The following NIPA2 variants were observed in gnomAD, a reference collection of about 807,000 sequenced individuals.
NIPA2 encodes magnesium transporter NIPA2.
Under a neutral mutation model 29.7 loss-of-function variants are expected in NIPA2, and 11 were observed. The ratio of observed to expected loss-of-function variants is 0.37; its 90% CI spans 0.23 to 0.61. The LOEUF is 0.61. NIPA2 is among the 20% of genes least tolerant of loss of function. The pLI, the probability that NIPA2 is intolerant of heterozygous loss-of-function variation, is 0.66. For synonymous variants in NIPA2, 183 were observed against 161.9 expected (o/e 1.13, Z -0.99); for missense variants, 426 against 437.9 (o/e 0.97, Z 0.24).
intron 3 of NIPA2, among the ~76,000 whole-genome samples, chr15:22,850,272 C>T (rs1399406836): frequency 1.3e-5 from 2 of 151,996 alleles, no homozygotes; most frequent in African/African-American, 4.8e-5. Context: ...TCAGGACATG[C>T]ACTTCCTGTG....
chr15:22,844,386 C>T (rs1898002623), intron 2 of NIPA2, among the ~76,000 whole-genome samples: 1 of 151,904 alleles, frequency 6.6e-6, no homozygotes. Flanking sequence ...TAGTGAAACC[C>T]CGTCTCTACT....
At chr15:22,855,479 T>C (rs935177905) in intron 5 of NIPA2, among the ~76,000 whole-genome samples, 4 of 152,008 alleles carry the variant, frequency 2.6e-5, no homozygotes, top group Admixed American at 6.6e-5. Context: ...CAAATACTTA[T>C]TGATCATGTC....
rs145056048 is a variant in NIPA2, at chr15:22,856,028, C to T, written c.197-2512C>T. Among the ~76,000 whole-genome samples, 315 of 152,266 alleles carry T rather than the reference C, an allele frequency of 2.1e-3. 2 individuals carry two copies. The highest frequency in any genetic ancestry group is 2.7e-3 in the Non-Finnish European group (186 of 68,018). On this transcript the variant is annotated intron_variant, in intron 5 of 7. Transcript: ENST00000337451. ...CGAGGTGAAGCAGAGAGAGGCATTG[C>T]AGCTTTTTCCTGATTCCTTGGATTG...
intron 2 of NIPA2, among the ~76,000 whole-genome samples, chr15:22,843,632 T>G (rs1192047508): frequency 2.0e-5 from 3 of 151,596 alleles, no homozygotes; most frequent in Non-Finnish European, 4.4e-5. Flanking sequence ...TGCACTTCAT[T>G]TGGTGTAATT....
At chr15:22,862,049 C>CTCTCTTT (rs1555387456) in intron 7 of NIPA2, among the ~76,000 whole-genome samples, 1 of 103,978 alleles carries the variant, frequency 9.6e-6, no homozygotes. Flanking sequence ...ATGGGTCTCT[C>CTCTCTTT]TTTTTTTTTT....
rs766301540 is a variant in NIPA2, at chr15:22,858,535, C to CT, written c.197-4dup. ...TGAGTTTTTCTTTTGTTGTCTGTCT[C>CT]TAAGTGGGAGCTGGTGAGGTGGCCA... On this transcript the variant is annotated splice_polypyrimidine_tract_variant and splice_region_variant and intron_variant, in intron 5 of 7. Coordinates refer to ENST00000337451, the MANE Select transcript of NIPA2 (RefSeq NM_030922.7). The CT allele has an allele frequency of 1.1e-5, 17 of 1,599,274 alleles. No individual in the cohort carries two copies. The highest frequency in any genetic ancestry group is 1.7e-5 in the Admixed American group (1 of 58,542).
intron 2 of NIPA2, among the ~76,000 whole-genome samples, chr15:22,840,167 C>T (rs1896631296): frequency 6.6e-6 from 1 of 152,072 alleles, no homozygotes; most frequent in Non-Finnish European, 1.5e-5. Flanking sequence ...GCGATCCAAC[C>T]ACCTTGGCCT....
At chr15:22,845,505 G>A (rs948525503) in intron 3 of NIPA2, among the ~76,000 whole-genome samples, 5 of 152,172 alleles carry the variant, frequency 3.3e-5, no homozygotes, top group African/African-American at 4.8e-5. Context: ...AACCACCACA[G>A]AAAACCTAAG....
intron 2 of NIPA2, among the ~76,000 whole-genome samples, chr15:22,842,612 C>T (rs528133937): frequency 5.9e-5 from 9 of 151,778 alleles, no homozygotes; most frequent in Non-Finnish European, 1.3e-4. Flanking sequence ...AAGGATCACC[C>T]GAGGTCAGGA....
intron 5 of NIPA2, among the ~76,000 whole-genome samples, chr15:22,856,650 G>C (rs993277239): frequency 1.4e-4 from 21 of 152,174 alleles, no homozygotes; most frequent in African/African-American, 4.6e-4. Flanking sequence ...AATATATAAA[G>C]AATTACCTTA....
intron 7 of NIPA2, among the ~76,000 whole-genome samples, chr15:22,861,624 C>T (rs2058626574): frequency 2.0e-5 from 3 of 152,096 alleles, no homozygotes; most frequent in Admixed American, 6.6e-5. Context: ...CTTTTATATG[C>T]GACCAATTTT....
chr15:22,866,111 C>T (rs781077090), intron 7 of NIPA2, 102 bp from the exon 8 acceptor site: 1 of 930,872 alleles, frequency 1.1e-6, no homozygotes, highest in Non-Finnish European at 1.6e-6. Flanking sequence ...ATTTCCAGGC[C>T]ATACCTTTTC....
At chr15:22,859,370 G>C (rs1477551131) in intron 6 of NIPA2, among the ~76,000 whole-genome samples, 4 of 142,452 alleles carry the variant, frequency 2.8e-5, no homozygotes, top group Admixed American at 7.7e-5. Context: ...TCGGCTCCCT[G>C]CAAGCTCCAC....
chr15:22,866,176 C>A lies in NIPA2; in HGVS notation c.449-37C>A, dbSNP rs752463515. The A allele has an allele frequency of 2.0e-5, 31 of 1,570,430 alleles. No individual in the cohort carries two copies. The Admixed American group carries it at 5.2e-4, about 26-fold the overall frequency. On this transcript the variant is annotated intron_variant, in intron 7 of 7. Transcript: ENST00000337451. ...GCATTCTGTGTTTAAGAACAACCAA[C>A]CATTTGACTCATGTAACTTTTCTTT...
At chr15:22,840,291 T>TG (rs1336697665) in intron 2 of NIPA2, among the ~76,000 whole-genome samples, 16 of 114,526 alleles carry the variant, frequency 1.4e-4, no homozygotes, top group African/African-American at 5.4e-4. Context: ...CTATATATAG[T>TG]TTTTTTTTTT....
chr15:22,843,347 T>G, intron 2 of NIPA2, among the ~76,000 whole-genome samples: 1 of 150,976 alleles, frequency 6.6e-6, no homozygotes, highest in East Asian at 2.0e-4. Context: ...CTACTAAAAA[T>G]ACAAAAAAAT....
At chr15:22,840,710 G>T (rs192639697) in intron 2 of NIPA2, among the ~76,000 whole-genome samples, 49 of 152,258 alleles carry the variant, frequency 3.2e-4, no homozygotes, top group African/African-American at 1.0e-3. Flanking sequence ...GGTTTCCTTA[G>T]CTGTAAAGTG....
Position 22,847,029 on chromosome 15 carries a change from G to A in NIPA2, c.-94+1762G>A, listed in dbSNP as rs189806878. 4.6e-3 allele frequency among the ~76,000 whole-genome samples: 694 copies of A among 150,256 alleles called. 9 individuals carry two copies. The highest frequency in any genetic ancestry group is 0.016 in the African/African-American group (638 of 40,910). On this transcript the variant is annotated intron_variant, in intron 3 of 7. Coordinates refer to ENST00000337451, the MANE Select transcript of NIPA2 (RefSeq NM_030922.7). ...AGCGATTCTCCTGCCTCAGCCTCCC[G>A]AGTAGCTAAGATTACAGGTATGTGC...
chr15:22,861,906 T>G (rs1206732437), intron 7 of NIPA2, among the ~76,000 whole-genome samples: 2 of 151,936 alleles, frequency 1.3e-5, no homozygotes, highest in Non-Finnish European at 2.9e-5. Flanking sequence ...GGCTAATTTT[T>G]TTTGTTTGTT....
Sources: allele counts gnomAD v4.1 joint callset (sites outside exome capture counted in the v4.1 genomes callset), GRCh38; gene constraint gnomAD v4.1.1; transcripts MANE v1.5; gene names NCBI Gene and HGNC (gene_info 2026-07-23, HGNC 2026-07-21).